Variants in GALNTL6 observed in about 807,000 individuals in gnomAD.
The protein encoded by GALNTL6 is polypeptide N-acetylgalactosaminyltransferase like 6.
Under a neutral mutation model 73.7 loss-of-function variants are expected in GALNTL6, and 46 were observed. The observed-to-expected ratio is 0.62, with a 90% CI of 0.49 to 0.80. The LOEUF (loss-of-function observed/expected upper bound fraction) is 0.80, where lower values mean the gene tolerates loss of function less well. GALNTL6 is among the 30% of genes least tolerant of loss of function. The pLI, the probability that GALNTL6 is intolerant of heterozygous loss-of-function variation, is 0.00. For missense variants in GALNTL6, 604 were observed against 755.0 expected (o/e 0.80, Z 2.34); for synonymous variants, 259 against 263.7 (o/e 0.98, Z 0.17).
At chr4:172,164,341 A>G (rs1734558194) in intron 2 of GALNTL6, among the ~76,000 whole-genome samples, 1 of 152,018 alleles carries the variant, frequency 6.6e-6, no homozygotes, top group South Asian at 2.1e-4. Flanking sequence ...CAAAATATTT[A>G]TAGGACTAAA....
intron 5 of GALNTL6, among the ~76,000 whole-genome samples, chr4:172,410,182 T>G (rs183894516): frequency 6.6e-6 from 1 of 152,120 alleles, no homozygotes; most frequent in Admixed American, 6.6e-5. Context: ...GTTAATGAAC[T>G]TATACATATC....
At chr4:172,959,827 C>G (rs567860758) in intron 10 of GALNTL6, among the ~76,000 whole-genome samples, 1 of 152,182 alleles carries the variant, frequency 6.6e-6, no homozygotes, top group East Asian at 1.9e-4. Context: ...ATATCCAGCA[C>G]TTGTAGCAAG....
At chr4:172,940,250 T>C (rs1748847743) in intron 9 of GALNTL6, among the ~76,000 whole-genome samples, 1 of 150,982 alleles carries the variant, frequency 6.6e-6, no homozygotes, top group South Asian at 2.1e-4. Flanking sequence ...TGGCCACTGA[T>C]ACATGAAATA....
intron 2 of GALNTL6, among the ~76,000 whole-genome samples, chr4:172,151,090 A>G (rs1734074985): frequency 6.6e-6 from 1 of 152,204 alleles, no homozygotes; most frequent in Non-Finnish European, 1.5e-5. Flanking sequence ...ATGAGCATGA[A>G]TTTTAGGTGA....
chr4:172,894,393 TG>T (rs1488144185), intron 8 of GALNTL6, among the ~76,000 whole-genome samples: 1 of 152,180 alleles, frequency 6.6e-6, no homozygotes, highest in Admixed American at 6.5e-5. Context: ...TCTGGTGTGT[TG>T]TGTTTCCAAT....
chr4:172,734,828 C>G (rs976072555), intron 5 of GALNTL6, among the ~76,000 whole-genome samples: 1 of 152,212 alleles, frequency 6.6e-6, no homozygotes, highest in African/African-American at 2.4e-5. Flanking sequence ...CCGCTCCAGC[C>G]ATGGCTAAAA....
At chr4:172,237,009 C>T (rs1413661079) in intron 3 of GALNTL6, among the ~76,000 whole-genome samples, 1 of 152,288 alleles carries the variant, frequency 6.6e-6, no homozygotes, top group East Asian at 1.9e-4. Flanking sequence ...GGACAATGGT[C>T]TCCAGCTCCA....
At chr4:172,086,373 T>A (rs1246474762) in intron 2 of GALNTL6, among the ~76,000 whole-genome samples, 1 of 152,100 alleles carries the variant, frequency 6.6e-6, no homozygotes, top group African/African-American at 2.4e-5. Flanking sequence ...AAAATAACTA[T>A]TTTTAAGAAT....
intron 2 of GALNTL6, among the ~76,000 whole-genome samples, chr4:171,879,932 G>A (rs1456326858): frequency 6.6e-6 from 1 of 152,066 alleles, no homozygotes; most frequent in East Asian, 1.9e-4. Context: ...TTTTCATCCT[G>A]AAGAAATATT....
chr4:171,918,041 C>G (rs1344538256), intron 2 of GALNTL6, among the ~76,000 whole-genome samples: 1 of 152,024 alleles, frequency 6.6e-6, no homozygotes, highest in Non-Finnish European at 1.5e-5. Context: ...CAAATTCTGT[C>G]AAGTCATAGA....
At chr4:172,007,395 T>C (rs931075175) in intron 2 of GALNTL6, among the ~76,000 whole-genome samples, 7 of 152,176 alleles carry the variant, frequency 4.6e-5, no homozygotes, top group Non-Finnish European at 7.4e-5. Context: ...TAGCAACTGT[T>C]ATCAGGACCA....
intron 7 of GALNTL6, among the ~76,000 whole-genome samples, chr4:172,843,920 G>C (rs964832557): frequency 6.6e-6 from 1 of 152,116 alleles, no homozygotes; most frequent in Admixed American, 6.5e-5. Context: ...TTAGCCAGGC[G>C]TGGTGGTGCA....
At chr4:172,580,653 C>T (rs983750833) in intron 5 of GALNTL6, among the ~76,000 whole-genome samples, 6 of 152,126 alleles carry the variant, frequency 3.9e-5, no homozygotes, top group South Asian at 2.1e-4. Context: ...TTGTAGCCCC[C>T]CAGAATAATT....
At chr4:171,823,452 T>A (rs910667774) in intron 2 of GALNTL6, among the ~76,000 whole-genome samples, 23 of 152,002 alleles carry the variant, frequency 1.5e-4, no homozygotes, top group African/African-American at 5.3e-4. Flanking sequence ...TTTAATAGTT[T>A]GAATGTTTCT....
intron 2 of GALNTL6, among the ~76,000 whole-genome samples, chr4:171,973,231 G>A (rs1429358830): frequency 1.3e-5 from 2 of 152,078 alleles, no homozygotes; most frequent in Non-Finnish European, 2.9e-5. Flanking sequence ...TTTATGATAT[G>A]TCTTCTTTTG....
intron 2 of GALNTL6, among the ~76,000 whole-genome samples, chr4:171,984,918 C>T (rs184547844): frequency 6.6e-6 from 1 of 150,570 alleles, no homozygotes; most frequent in African/African-American, 2.4e-5. Flanking sequence ...TTTGGGAGGT[C>T]GAGGCAGGTA....
intron 2 of GALNTL6, among the ~76,000 whole-genome samples, chr4:172,040,136 G>A (rs754516794): frequency 8.9e-5 from 13 of 146,678 alleles, no homozygotes; most frequent in Non-Finnish European, 1.4e-4. Flanking sequence ...TAACAATGGC[G>A]CAATGGAAAT....
intron 3 of GALNTL6, among the ~76,000 whole-genome samples, chr4:172,231,551 A>T (rs1737071328): frequency 6.6e-6 from 1 of 152,138 alleles, no homozygotes; most frequent in Admixed American, 6.5e-5. Flanking sequence ...GAAAATATGG[A>T]GTAATAGCAA....
intron 2 of GALNTL6, among the ~76,000 whole-genome samples, chr4:171,890,159 A>G (rs1736722584): frequency 6.6e-6 from 1 of 152,110 alleles, no homozygotes; most frequent in Admixed American, 6.6e-5. Flanking sequence ...ACCAAAAGCA[A>G]TCACTTTTAA....
Sources: allele counts gnomAD v4.1 joint callset (sites outside exome capture counted in the v4.1 genomes callset), GRCh38; gene constraint gnomAD v4.1.1; transcripts MANE v1.5; gene names NCBI Gene and HGNC (gene_info 2026-07-23, HGNC 2026-07-21).